SUPT3H: variants seen among roughly 807,000 people sequenced by gnomAD.
SUPT3H encodes transcription initiation protein SPT3 homolog.
SUPT3H carries 44 observed loss-of-function variants against 44.3 expected under a neutral mutation model. The observed-to-expected ratio is 0.99, with a 90% confidence interval of 0.78 to 1.28. The LOEUF is 1.28. Ranked by LOEUF, SUPT3H falls within the 50% of genes most tolerant of loss-of-function variation. SUPT3H has a pLI of 0.00. For missense variants in SUPT3H, 380 were observed against 387.1 expected, an observed-to-expected ratio of 0.98 and a Z score of 0.15; for synonymous variants, 124 against 125.6, an observed-to-expected ratio of 0.99 and a Z score of 0.09.
At chr6:45,005,945 C>CAT (rs1562243733) in intron 5 of SUPT3H, among the ~76,000 whole-genome samples, 1 of 152,032 alleles carries the variant, frequency 6.6e-6, no homozygotes, top group Non-Finnish European at 1.5e-5. Context: ...CAGGTCGAAG[C>CAT]ATATCTTGCT....
At chr6:44,835,169 T>TA (rs1769594772) in intron 10 of SUPT3H, among the ~76,000 whole-genome samples, 2 of 152,148 alleles carry the variant, frequency 1.3e-5, no homozygotes. Context: ...ATGGAAGTCT[T>TA]ACTATGGCTA....
At position 45,246,710 on chromosome 6, in the gene SUPT3H, T is replaced by C. The variant is rs75252675; in HGVS notation, c.101+118491A>G. 8.0e-4 allele frequency among the ~76,000 whole-genome samples: 122 copies of C among 152,208 alleles called. 1 individual carries two copies. Among genetic ancestry groups the C allele is most frequent in the Non-Finnish European group, 4.0e-4 (27 of 67,994 alleles). On this transcript the variant is annotated intron_variant, in intron 2 of 10. Coordinates refer to ENST00000371459, the MANE Select transcript of SUPT3H (RefSeq NM_003599.4). ...GTGAAATCCCCCAAGTAATCAGAAA[T>C]TGTAAAACACGTATCTAAGCAATTC... is the stretch of plus-strand genomic sequence containing the variant.
intron 3 of SUPT3H, among the ~76,000 whole-genome samples, chr6:45,062,244 C>G (rs937959663): frequency 6.6e-6 from 1 of 151,748 alleles, no homozygotes; most frequent in African/African-American, 2.4e-5. Context: ...AAGTAATTTA[C>G]AAAGTAACAC....
At chr6:45,055,368 G>C (rs1167797151) in intron 3 of SUPT3H, among the ~76,000 whole-genome samples, 1 of 152,030 alleles carries the variant, frequency 6.6e-6, no homozygotes, top group Non-Finnish European at 1.5e-5. Flanking sequence ...GACAAAGGGA[G>C]ACTAAGCAAA....
chr6:45,314,483 C>T (rs1784417356), intron 2 of SUPT3H, among the ~76,000 whole-genome samples: 1 of 152,080 alleles, frequency 6.6e-6, no homozygotes, highest in Non-Finnish European at 1.5e-5. Context: ...ATCAGTAGCT[C>T]TTCTATATAC....
chr6:45,019,433 G>A (rs755339879), intron 4 of SUPT3H, among the ~76,000 whole-genome samples: 14 of 152,010 alleles, frequency 9.2e-5, no homozygotes, highest in Non-Finnish European at 1.8e-4. Flanking sequence ...TCTTTTAATT[G>A]TGATGTTAGG....
At chr6:44,906,065 C>G (rs6904584) in intron 10 of SUPT3H, among the ~76,000 whole-genome samples, 5 of 152,092 alleles carry the variant, frequency 3.3e-5, no homozygotes, top group Non-Finnish European at 7.4e-5. Context: ...AGGAGATATA[C>G]CTAATGTTAA....
intron 6 of SUPT3H, among the ~76,000 whole-genome samples, chr6:44,977,504 CA>C (rs1778499448): frequency 6.6e-6 from 1 of 152,016 alleles, no homozygotes; most frequent in Non-Finnish European, 1.5e-5. Context: ...AGAAAAACTT[CA>C]AAAATAGTAC....
chr6:45,197,866 A>T (rs1816342221), intron 2 of SUPT3H: 1 of 169,242 alleles, frequency 5.9e-6, no homozygotes, highest in Non-Finnish European at 1.4e-5. Context: ...TCACCAAAAA[A>T]ACCCAAATTA....
At chr6:44,929,797 G>A (rs979479528) in intron 10 of SUPT3H, among the ~76,000 whole-genome samples, 2 of 150,872 alleles carry the variant, frequency 1.3e-5, no homozygotes, top group South Asian at 4.2e-4. Flanking sequence ...GCAGCTTGAG[G>A]TATGTGGGAG....
At chr6:44,980,990 G>A (rs1779015542) in intron 6 of SUPT3H, among the ~76,000 whole-genome samples, 1 of 152,148 alleles carries the variant, frequency 6.6e-6, no homozygotes, top group Non-Finnish European at 1.5e-5. Flanking sequence ...CTCAAGGAAG[G>A]CAAGTGACAG....
At chr6:45,343,663 T>G (rs1038314505) in intron 2 of SUPT3H, among the ~76,000 whole-genome samples, 2 of 152,214 alleles carry the variant, frequency 1.3e-5, no homozygotes, top group Non-Finnish European at 2.9e-5. Context: ...TAGTCTATAT[T>G]TCTTCATGTT....
At chr6:45,251,157 G>A (rs1175547064) in intron 2 of SUPT3H, 1 of 151,890 alleles carries the variant, frequency 6.6e-6, no homozygotes, top group Non-Finnish European at 1.5e-5. Flanking sequence ...GCAGAACAAA[G>A]ACTTCAAATT....
At chr6:45,212,138 C>T (rs1764199729) in intron 2 of SUPT3H, among the ~76,000 whole-genome samples, 1 of 152,048 alleles carries the variant, frequency 6.6e-6, no homozygotes, top group Admixed American at 6.6e-5. Flanking sequence ...TGCACTCCAG[C>T]CACAGAGCAA....
At chr6:45,079,452 A>AGAGGAGGAAGAAGAAGGGGAAAG (rs1554234660) in intron 3 of SUPT3H, among the ~76,000 whole-genome samples, 1 of 120,034 alleles carries the variant, frequency 8.3e-6, no homozygotes, top group Admixed American at 8.0e-5. Flanking sequence ...AGAAGGGGGA[A>AGAGGAGGAAGAAGAAGGGGAAAG]GAGGAGGAAG....
intron 3 of SUPT3H, among the ~76,000 whole-genome samples, chr6:45,036,393 A>G (rs537743582): frequency 6.2e-4 from 95 of 152,160 alleles, no homozygotes; most frequent in African/African-American, 2.1e-3. Flanking sequence ...GAATAAGGAG[A>G]GTGGCTGGGG....
intron 2 of SUPT3H, among the ~76,000 whole-genome samples, chr6:45,191,089 A>C (rs974101742): frequency 1.3e-4 from 20 of 152,216 alleles, no homozygotes; most frequent in African/African-American, 4.8e-4. Context: ...TGAGTAAAAA[A>C]CTTATGTCCA....
At chr6:44,890,752 G>GGA in intron 10 of SUPT3H, among the ~76,000 whole-genome samples, 1 of 134,258 alleles carries the variant, frequency 7.4e-6, no homozygotes, top group Middle Eastern at 4.6e-3. Flanking sequence ...AAAACTTAAA[G>GGA]TATAATAATA....
intron 10 of SUPT3H, among the ~76,000 whole-genome samples, chr6:44,831,880 T>C (rs1768826753): frequency 6.6e-6 from 1 of 152,186 alleles, no homozygotes; most frequent in African/African-American, 2.4e-5. Flanking sequence ...GATTTATCAC[T>C]GCTTTGCAAA....
Sources: gnomAD v4.1 joint callset for allele counts (sites outside exome capture counted in the v4.1 genomes callset) on GRCh38, gnomAD v4.1.1 for gene constraint, MANE v1.5 for transcripts, NCBI Gene and HGNC (gene_info 2026-07-23, HGNC 2026-07-21) for gene names.